Variants in CRACDL observed in about 807,000 individuals in gnomAD.
The protein encoded by CRACDL is CRACD-like protein.
Under a neutral mutation model 70.6 loss-of-function variants are expected in CRACDL, and 26 were observed. The ratio of observed to expected loss-of-function variants is 0.37; its 90% confidence interval spans 0.27 to 0.51. The LOEUF is 0.51. CRACDL is among the 20% of genes least tolerant of loss of function. CRACDL has a pLI of 0.94. For synonymous variants in CRACDL, 618 were observed against 615.2 expected (o/e 1.00, Z -0.07); for missense variants, 1,283 against 1,376.9 (o/e 0.93, Z 1.08).
intron 2 of CRACDL, among the ~76,000 whole-genome samples, chr2:98,840,364 C>T (rs1049443600): frequency 6.6e-6 from 1 of 152,106 alleles, no homozygotes; most frequent in Non-Finnish European, 1.5e-5. Context: ...CAATAACATA[C>T]TCTGAATGAT....
intron 2 of CRACDL, among the ~76,000 whole-genome samples, chr2:98,844,333 A>G (rs1284707367): frequency 6.6e-6 from 1 of 152,106 alleles, no homozygotes; most frequent in African/African-American, 2.4e-5. Flanking sequence ...CTTTTTTATT[A>G]TCTTCAAACA....
At chr2:98,813,924 T>G (rs1489400748) in intron 7 of CRACDL, among the ~76,000 whole-genome samples, 3 of 152,202 alleles carry the variant, frequency 2.0e-5, no homozygotes, top group Non-Finnish European at 4.4e-5. Flanking sequence ...TTAAGTTTGA[T>G]AGTTTGTGTC....
At chr2:98,808,806 C>T (rs1384128201) in intron 7 of CRACDL, among the ~76,000 whole-genome samples, 1 of 152,216 alleles carries the variant, frequency 6.6e-6, no homozygotes, top group Non-Finnish European at 1.5e-5. Flanking sequence ...TCTCAGCGCC[C>T]CCCACATAAG....
chr2:98,924,984 AG>A (rs1708879440), intron 1 of CRACDL, among the ~76,000 whole-genome samples: 1 of 151,972 alleles, frequency 6.6e-6, no homozygotes. Flanking sequence ...GGTCACCCCA[AG>A]GCTGCACCTG....
At chr2:98,861,446 G>T (rs1269879941) in intron 1 of CRACDL, among the ~76,000 whole-genome samples, 1 of 152,194 alleles carries the variant, frequency 6.6e-6, no homozygotes, top group African/African-American at 2.4e-5. Context: ...TTGCAAGGAT[G>T]TGAGGAAACT....
At chr2:98,895,535 C>T (rs1321426171) in intron 1 of CRACDL, among the ~76,000 whole-genome samples, 1 of 152,044 alleles carries the variant, frequency 6.6e-6, no homozygotes, top group Non-Finnish European at 1.5e-5. Flanking sequence ...CTGCTCAAGG[C>T]CCTGGAAGAA....
chr2:98,909,548 A>G (rs1348135451), intron 1 of CRACDL, among the ~76,000 whole-genome samples: 1 of 152,136 alleles, frequency 6.6e-6, no homozygotes, highest in Non-Finnish European at 1.5e-5. Flanking sequence ...GTGCAAACAA[A>G]TTGAGCTGTC....
intron 2 of CRACDL, 75 bp from the exon 3 acceptor site, chr2:98,838,362 C>G: frequency 1.3e-6 from 1 of 791,078 alleles, no homozygotes; most frequent in Non-Finnish European, 1.9e-6. Context: ...GCAACAGGCA[C>G]GTAAAAGAGA....
chr2:98,816,327 C>A (rs1704781960), intron 7 of CRACDL, among the ~76,000 whole-genome samples: 1 of 152,114 alleles, frequency 6.6e-6, no homozygotes, highest in Non-Finnish European at 1.5e-5. Context: ...GTCAGAACAG[C>A]AAGTCCCTTT....
intron 1 of CRACDL, among the ~76,000 whole-genome samples, chr2:98,874,074 G>A (rs1197831829): frequency 6.6e-6 from 1 of 152,206 alleles, no homozygotes; most frequent in Non-Finnish European, 1.5e-5. Flanking sequence ...AGCTGCAAAG[G>A]CAGTCAACCA....
intron 1 of CRACDL, among the ~76,000 whole-genome samples, chr2:98,915,128 A>C (rs2104683027): frequency 6.6e-6 from 1 of 152,340 alleles, no homozygotes; most frequent in Non-Finnish European, 1.5e-5. Flanking sequence ...GTCGACCAGG[A>C]CAGGACTGGG....
chr2:98,885,495 A>G (rs1707776310), intron 1 of CRACDL, among the ~76,000 whole-genome samples: 2 of 152,214 alleles, frequency 1.3e-5, no homozygotes, highest in Admixed American at 1.3e-4. Context: ...TTGGATGCTA[A>G]TGTTTACCAT....
intron 7 of CRACDL, among the ~76,000 whole-genome samples, chr2:98,798,620 G>A (rs1416238642): frequency 2.0e-5 from 3 of 151,558 alleles, no homozygotes; most frequent in African/African-American, 4.8e-5. Context: ...TATTTTCTAC[G>A]ATAAGAATTT....
intron 1 of CRACDL, among the ~76,000 whole-genome samples, chr2:98,889,611 A>G (rs1213196011): frequency 6.6e-6 from 1 of 152,216 alleles, no homozygotes; most frequent in Non-Finnish European, 1.5e-5. Context: ...AAAATTAAAC[A>G]TAAGATCAAT....
At position 98,832,371 on chromosome 2, in the gene CRACDL, C is replaced by G. The variant is rs141209063; in HGVS notation, c.517G>C (p.Val173Leu). The G allele has an allele frequency of 4.3e-6, 7 of 1,614,098 alleles. No homozygotes were observed. The African/African-American group carries it at 5.3e-5, about 12-fold the overall frequency. ...SPPEMSLLHD[V>L]GPGTTIKVSV... ...GCCTTTATGGTGGTACCAGGACCCA[C>G]GTCGTGCAGCAGAGACATCTCTGGG... The change falls in exon 5 of 10, where the codon GTG (valine) becomes CTG (leucine). Residue 173 changes from valine to leucine, a missense_variant. This residue lies in a region of CRACDL where 362 missense variants were observed against 495.0 expected (regional missense o/e 0.73). Coordinates refer to ENST00000397899, the MANE Select transcript of CRACDL (RefSeq NM_207362.3).
At chr2:98,841,307 T>C (rs1706016475) in intron 2 of CRACDL, among the ~76,000 whole-genome samples, 1 of 152,182 alleles carries the variant, frequency 6.6e-6, no homozygotes, top group Non-Finnish European at 1.5e-5. Flanking sequence ...ATTACTGATA[T>C]ATTAATAAAA....
chr2:98,866,385 T>C (rs1402593428), intron 1 of CRACDL, among the ~76,000 whole-genome samples: 2 of 149,760 alleles, frequency 1.3e-5, no homozygotes, highest in East Asian at 4.0e-4. Flanking sequence ...TAGTGCTCAA[T>C]AAATATTGTT....
At chr2:98,904,251 C>G (rs1158301341) in intron 1 of CRACDL, among the ~76,000 whole-genome samples, 1 of 152,192 alleles carries the variant, frequency 6.6e-6, no homozygotes, top group Non-Finnish European at 1.5e-5. Flanking sequence ...CCCTCATTGT[C>G]CTTTCCTCAG....
intron 1 of CRACDL, chr2:98,897,523 T>G: frequency 2.1e-6 from 1 of 486,286 alleles, no homozygotes; most frequent in South Asian, 2.5e-5. Context: ...GAAGGTTTCA[T>G]AACTTTTTCT....
Sources: gnomAD v4.1 joint callset for allele counts (sites outside exome capture counted in the v4.1 genomes callset) on GRCh38, gnomAD v4.1.1 for gene constraint, gnomAD v4.1.1 regional missense constraint, MANE v1.5 for transcripts, NCBI Gene and HGNC (gene_info 2026-07-23, HGNC 2026-07-21) for gene names.